Variants in NOC4L observed in about 807,000 individuals in gnomAD.
NOC4L encodes nucleolar complex associated 4 homolog.
Under a neutral mutation model 62.8 loss-of-function variants are expected in NOC4L, and 40 were observed. The observed-to-expected ratio is 0.64, with a 90% CI of 0.49 to 0.83. NOC4L has a LOEUF of 0.83. Ranked by LOEUF, NOC4L falls within the 40% of genes least tolerant of loss-of-function variation. The probability of loss-of-function intolerance (pLI) is 0.00; values close to 1 mark genes in which losing one functional copy is unlikely to be tolerated. For synonymous variants in NOC4L, 433 were observed against 299.8 expected (o/e 1.44, Z -4.59); for missense variants, 927 against 701.9 (o/e 1.32, Z -3.62).
At chr12:132,151,955 G>A in intron 13 of NOC4L, 129 bp from the exon 14 acceptor site, 1 of 1,234,200 alleles carries the variant, frequency 8.1e-7, no homozygotes, top group Middle Eastern at 2.7e-4. Flanking sequence ...GTGGGTGCTG[G>A]GTGCTTGGCC....
At chr12:132,146,246 C>T (rs746410285) in intron 3 of NOC4L, 1 of 455,982 alleles carries the variant, frequency 2.2e-6, no homozygotes, top group South Asian at 1.5e-5. Context: ...TTAGACGCTC[C>T]TCATAAGGGG....
At chr12:132,150,747 C>T (rs7487732) in intron 9 of NOC4L, 1 of 251,976 alleles carries the variant, frequency 4.0e-6, no homozygotes, top group Non-Finnish European at 8.1e-6. Context: ...CGGTGAGTGC[C>T]GCCGCCTCGC....
rs755214754 is a variant in NOC4L, at chr12:132,147,913, C to G, written c.637C>G (p.Leu213Val). Reference protein sequence around the residue: ...PPAFWNNAFTLLSAVSLPRRE... With the variant: ...PPAFWNNAFTVLSAVSLPRRE... ...CGCCTTTTGGAACAATGCCTTCACG[C>G]TGCTGTCTGCCGTGAGCCTGCCCCG... Residue 213 changes from leucine to valine, a missense_variant, in exon 6 of 15, where the codon CTG (leucine) becomes GTG (valine). Transcript: ENST00000330579. 3 of 1,604,684 alleles carry G rather than the reference C, an allele frequency of 1.9e-6. No homozygotes were observed. In the African/African-American group the frequency reaches 4.0e-5, roughly 21 times the overall value.
In NOC4L at chr12:132,151,058, G is replaced by A. The variant is rs201236475; in HGVS notation, c.962+17G>A. 1.9e-6 allele frequency: 3 copies of A among 1,605,892 alleles called. No individual in the cohort carries two copies. Among genetic ancestry groups the A allele is most frequent in the Admixed American group, 1.7e-5 (1 of 59,712 alleles). On this transcript the variant is annotated intron_variant, in intron 10 of 14. Transcript: ENST00000330579. ...ACACAACCTGTGAGTGTCACCAGGG[G>A]TGCAGGTCTTCTTCCCAGTCTGCCC...
Position 132,151,264 on chromosome 12 carries a change from C to G in NOC4L, c.969C>G (p.Tyr323Ter). The G allele has an allele frequency of 6.2e-7, 1 of 1,611,446 alleles. No individual in the cohort carries two copies. The highest frequency in any genetic ancestry group is 8.5e-7 in the Non-Finnish European group (1 of 1,179,670). Residue 323 changes from tyrosine to a stop codon, truncating the protein, a stop_gained, in exon 11 of 15, where the codon TAC (tyrosine) becomes TAG (stop). Transcript: ENST00000330579. LOFTEE classifies it high-confidence loss of function. ...CCTTCCCCCCGGCCCGCAGGGAGTA[C>G]CCTGACTTCTACCGGAAGCTCTACG... is the stretch of plus-strand genomic sequence containing the variant. Reference protein sequence around the residue: ...FILIHKHNLEYPDFYRKLYGL... With the variant: ...FILIHKHNLE
Position 132,144,590 on chromosome 12 carries a change from C to T in NOC4L, c.102C>T (p.Ile34=), listed in dbSNP as rs1053469107. ...GTGAGGCCAACGCCGTGTTCGACAT[C>T]CTGGCCGTGCTGCAGGTGGGCCTGG... ...SRSEANAVFD[I]LAVLQSEDQE... is the part of the protein sequence containing the mutation. Residue 34 remains isoleucine, a synonymous_variant, in exon 1 of 15, where the codon ATC becomes ATT. Coordinates refer to ENST00000330579, the MANE Select transcript of NOC4L (RefSeq NM_024078.3). 6 of 1,521,034 alleles carry T rather than the reference C, an allele frequency of 3.9e-6. No individual in the cohort carries two copies. Among genetic ancestry groups the T allele is most frequent in the East Asian group, 2.5e-5 (1 of 39,648 alleles). The allele number at this position is 1,521,034 out of a possible 1,614,324, so 94.2% of individuals were successfully genotyped here.
chr12:132,144,497 G>A lies in NOC4L; in HGVS notation c.9G>A (p.Arg3=), dbSNP rs1348281330. The change falls in exon 1 of 15, where the codon CGG becomes CGA. Residue 3 remains arginine (R), a synonymous_variant. Transcript: ENST00000330579. The part of the protein sequence containing the change: ME[R]EPGAAGVRRA... Reference sequence around the variant, plus strand: ...TCCGTGTTGGGGGCGGCATGGAGCGGGAGCCGGGCGCCGCGGGAGTTCGCC... The same window carrying A: ...TCCGTGTTGGGGGCGGCATGGAGCGAGAGCCGGGCGCCGCGGGAGTTCGCC... 6.6e-7 allele frequency: 1 copy of A among 1,523,338 alleles called. No homozygotes were observed. The highest frequency in any genetic ancestry group is 2.0e-5 in the Admixed American group (1 of 48,826). 94.4% of individuals were successfully genotyped at this position (1,523,338 alleles called of 1,614,324 possible).
In NOC4L at chr12:132,151,202, G is replaced by C. The variant is rs1593432289; in HGVS notation, c.963-56G>C. ...GGCGCCGAGTGAGACCCTGGCCTTG[G>C]AGGCCTCAGTTCCCGGGCCCTGCTC... On this transcript the variant is annotated intron_variant, in intron 10 of 14. Coordinates refer to ENST00000330579, the MANE Select transcript of NOC4L (RefSeq NM_024078.3). 12 of 1,497,092 alleles carry C rather than the reference G, an allele frequency of 8.0e-6. No homozygotes were observed. The East Asian group carries it at 2.7e-4, about 34-fold the overall frequency. The allele number at this position is 1,497,092 out of a possible 1,614,324, so 92.7% of individuals were successfully genotyped here. A position where few individuals can be genotyped will look rare whatever the true frequency, so the allele number is the denominator to read the frequency against.
intron 9 of NOC4L, 60 bp from the exon 10 acceptor site, chr12:132,150,921 G>A (rs201248581): frequency 1.4e-5 from 17 of 1,254,942 alleles, no homozygotes; most frequent in East Asian, 2.3e-5. Flanking sequence ...CTCAGTGTGG[G>A]CAGGGGGTAG....
chr12:132,151,233 G>T (rs371684265), intron 10 of NOC4L, 25 bp from the exon 11 acceptor site: 22 of 1,588,838 alleles, frequency 1.4e-5, no homozygotes, highest in Admixed American at 3.3e-5. Context: ...TGCTCCATCC[G>T]CTGCTCCTTC....
chr12:132,151,456 CCT>C, intron 11 of NOC4L, 26 bp from the exon 12 acceptor site: 1 of 1,599,956 alleles, frequency 6.3e-7, no homozygotes, highest in South Asian at 1.1e-5. Context: ...CAGTCCGGGC[CCT>C]GTCTCACAAC....
rs1424885070 is a variant in NOC4L, at chr12:132,144,588, A to G, written c.100A>G (p.Ile34Val). ...SRSEANAVFDILAVLQSEDQE... is the reference protein window; with the variant it reads ...SRSEANAVFDVLAVLQSEDQE... ...CAGTGAGGCCAACGCCGTGTTCGAC[A>G]TCCTGGCCGTGCTGCAGGTGGGCCT... is the stretch of plus-strand genomic sequence containing the variant. Residue 34 changes from isoleucine (I) to valine (V), a missense_variant, in exon 1 of 15, where the codon ATC becomes GTC. By Grantham distance (29) the Ile-to-Val change is conservative. Coordinates refer to ENST00000330579, the MANE Select transcript of NOC4L (RefSeq NM_024078.3). 1.8e-5 allele frequency: 28 copies of G among 1,521,628 alleles called. No homozygotes were observed. The highest frequency in any genetic ancestry group is 2.8e-5 in the African/African-American group (2 of 71,426). 94.3% of individuals were successfully genotyped at this position (1,521,628 alleles called of 1,614,324 possible).
In NOC4L at chr12:132,148,638, G is replaced by C. The variant is rs774154291; in HGVS notation, c.768G>C (p.Trp256Cys). ...KEHRRVFQAM[W>C]LSFLKHKLPL... ...ACAGGAGGGTTTTCCAGGCCATGTG[G>C]CTCAGCTTCCTCAAGCACAAGGTAG... Residue 256 changes from tryptophan (W) to cysteine (C), a missense_variant, in exon 8 of 15, where the codon TGG (tryptophan) becomes TGC (cysteine). Transcript: ENST00000330579. 2 of 1,547,752 alleles carry C rather than the reference G, an allele frequency of 1.3e-6. No homozygotes were observed.
chr12:132,146,462 G>A, intron 3 of NOC4L: 1 of 425,800 alleles, frequency 2.3e-6, no homozygotes, highest in East Asian at 7.3e-5. Flanking sequence ...TGTTTCTTTT[G>A]CTTGAATATG....
Position 132,146,507 on chromosome 12 carries a change from T to C in NOC4L, c.346-774T>C, listed in dbSNP as rs74660842. 62 of 382,390 alleles carry C rather than the reference T, an allele frequency of 1.6e-4. 1 individual carries two copies. The East Asian group carries it at 4.4e-3, about 27-fold the overall frequency. The allele number at this position is 382,390 out of a possible 1,614,324, so 23.7% of individuals were successfully genotyped here. A position where few individuals can be genotyped will look rare whatever the true frequency, so the allele number is the denominator to read the frequency against. On this transcript the variant is annotated intron_variant, in intron 3 of 14. Transcript: ENST00000330579. ...TGGAATTACAAGGCCACACAGCAGCTGTGTTTTTAATGTTCTGAGGAACTA... is the reference window on the plus strand; with the variant it reads ...TGGAATTACAAGGCCACACAGCAGCCGTGTTTTTAATGTTCTGAGGAACTA...
rs918947564 is a variant in NOC4L, at chr12:132,147,536, A to C, written c.454-97A>C. The C allele has an allele frequency of 3.4e-5, 51 of 1,508,810 alleles. No individual in the cohort carries two copies. In the Admixed American group the frequency reaches 1.0e-3, roughly 30 times the overall value. 93.5% of individuals were successfully genotyped at this position (1,508,810 alleles called of 1,614,324 possible). On this transcript the variant is annotated intron_variant, in intron 4 of 14. Coordinates refer to ENST00000330579, the MANE Select transcript of NOC4L (RefSeq NM_024078.3). Reference sequence around the variant, plus strand: ...TCCTGTGGCCCACCCAACCAGGAGGAGTCTGCCTGGGGGGCTCGATGGGGC... The same window carrying C: ...TCCTGTGGCCCACCCAACCAGGAGGCGTCTGCCTGGGGGGCTCGATGGGGC...
At chr12:132,149,105 T>C (rs1324235869) in intron 9 of NOC4L, among the ~76,000 whole-genome samples, 43 of 15,424 alleles carry the variant, frequency 2.8e-3, no homozygotes, top group African/African-American at 7.4e-3. Flanking sequence ...ACCACACCCC[T>C]AATCCCCTCG....
chr12:132,147,693 CG>C lies in NOC4L; in HGVS notation c.517del (p.Glu173SerfsTer45). The C allele has an allele frequency of 6.2e-7, 1 of 1,612,940 alleles. No homozygotes were observed. Among genetic ancestry groups the C allele is most frequent in the Non-Finnish European group, 8.5e-7 (1 of 1,179,956 alleles). On this transcript the variant is annotated frameshift_variant, in exon 5 of 15. Coordinates refer to ENST00000330579, the MANE Select transcript of NOC4L (RefSeq NM_024078.3). LOFTEE classifies it high-confidence loss of function. Reference sequence around the variant, plus strand: ...CCAGAGCCTGCTCCTGTCCCAGTTCCGGGAGTACCTGGACTACGACGACACC... The same window carrying C: ...CCAGAGCCTGCTCCTGTCCCAGTTCCGGAGTACCTGGACTACGACGACACC... ...EDQSLLLSQF[R>X]EYLDYDDTRY...
chr12:132,145,638 C>T lies in NOC4L; in HGVS notation c.318C>T (p.Leu106=), dbSNP rs1364910825. 4 of 1,613,256 alleles carry T rather than the reference C, an allele frequency of 2.5e-6. No homozygotes were observed. The highest frequency in any genetic ancestry group is 2.7e-5 in the African/African-American group (2 of 74,904). ...YHSCCNRLGE[L]LGHPSFQVKE... ...GCTGCTGCAATCGCTTGGGAGAGCT[C>T]CTGGGCCACCCCTCCTTTCAGGTCA... The change falls in exon 3 of 15, where the codon CTC becomes CTT. Residue 106 remains leucine (L), a synonymous_variant. Coordinates refer to ENST00000330579, the MANE Select transcript of NOC4L (RefSeq NM_024078.3).
Sources: allele counts gnomAD v4.1 joint callset (sites outside exome capture counted in the v4.1 genomes callset), GRCh38; gene constraint gnomAD v4.1.1; transcripts MANE v1.5; gene names NCBI Gene and HGNC (gene_info 2026-07-23, HGNC 2026-07-21).